Variants in CYB5R4 observed in about 807,000 individuals in gnomAD.
CYB5R4 encodes N-terminal cytochrome b5 and cytochrome b5 oxidoreductase domain-containing protein.
A neutral mutation model predicts 70.2 loss-of-function variants in CYB5R4; 55 were observed. The ratio of observed to expected loss-of-function variants is 0.78; its 90% CI spans 0.63 to 0.98. The LOEUF (loss-of-function observed/expected upper bound fraction) is 0.98. Ranked by LOEUF, CYB5R4 falls within the 50% of genes least tolerant of loss-of-function variation. CYB5R4 has a pLI of 0.00. For missense variants in CYB5R4, 562 were observed against 612.6 expected, an observed-to-expected ratio of 0.92 and a Z score of 0.87; for synonymous variants, 197 against 199.5, an observed-to-expected ratio of 0.99 and a Z score of 0.11.
At chr6:83,931,643 A>T (rs1289223094) in intron 10 of CYB5R4, among the ~76,000 whole-genome samples, 2 of 151,850 alleles carry the variant, frequency 1.3e-5, no homozygotes, top group Non-Finnish European at 2.9e-5. Flanking sequence ...TTTCTGTCTT[A>T]TGTTTTTGTT....
In CYB5R4 at chr6:83,868,547, G is replaced by A. The variant is rs1011275001; in HGVS notation, c.229+4219G>A. On this transcript the variant is annotated intron_variant, in intron 2 of 15. Coordinates refer to ENST00000369681, the MANE Select transcript of CYB5R4 (RefSeq NM_016230.4). ...TTTAATTTTCACCATTTTCTGTAAA[G>A]TATGTAATTATTGTAATGCAGTAGT... 2.0e-5 allele frequency among the ~76,000 whole-genome samples: 3 copies of A among 152,194 alleles called. No individual in the cohort carries two copies. In the East Asian group the frequency reaches 5.8e-4, roughly 29 times the overall value.
chr6:83,939,990 C>G (rs535975373), intron 12 of CYB5R4, 66 bp from the exon 13 acceptor site: 2 of 1,231,116 alleles, frequency 1.6e-6, no homozygotes, highest in African/African-American at 1.5e-5. Flanking sequence ...TTAGTTTCCC[C>G]GCTGGGTTTT....
intron 6 of CYB5R4, 38 bp from the exon 7 acceptor site, chr6:83,919,359 T>C: frequency 9.0e-7 from 1 of 1,108,724 alleles, no homozygotes; most frequent in Non-Finnish European, 1.3e-6. Flanking sequence ...CACATGATTG[T>C]CAATATAATT....
chr6:83,939,343 A>G (rs1164154021), intron 12 of CYB5R4, among the ~76,000 whole-genome samples: 2 of 152,156 alleles, frequency 1.3e-5, no homozygotes, highest in Non-Finnish European at 2.9e-5. Context: ...TGAATGGTAC[A>G]TGGTGATTAT....
At chr6:83,881,878 A>T (rs2099459493) in intron 2 of CYB5R4, among the ~76,000 whole-genome samples, 1 of 152,176 alleles carries the variant, frequency 6.6e-6, no homozygotes, top group Non-Finnish European at 1.5e-5. Context: ...ATATACCGAT[A>T]CCACATTTAC....
At chr6:83,874,703 C>T (rs2099458225) in intron 2 of CYB5R4, among the ~76,000 whole-genome samples, 1 of 152,142 alleles carries the variant, frequency 6.6e-6, no homozygotes, top group Non-Finnish European at 1.5e-5. Flanking sequence ...CTCTGACCCT[C>T]CCTGATCGCT....
intron 2 of CYB5R4, among the ~76,000 whole-genome samples, chr6:83,870,875 AAGGC>A (rs2099457484): frequency 6.6e-6 from 1 of 152,042 alleles, no homozygotes; most frequent in Admixed American, 6.6e-5. Flanking sequence ...GAGGTCAAAG[AAGGC>A]AGTGTTCTCC....
Position 83,869,425 on chromosome 6 carries a change from GACAC to G in CYB5R4, c.229+5103_229+5106del, listed in dbSNP as rs1299561443. On this transcript the variant is annotated intron_variant, in intron 2 of 15. Coordinates refer to ENST00000369681, the MANE Select transcript of CYB5R4 (RefSeq NM_016230.4). ...TCACAGTGTCTGTTATTCATTCAAA[GACAC>G]ACACAGAGCAGTGAAAAATATCTTT... Among the ~76,000 whole-genome samples, 4 of 152,164 alleles carry G rather than the reference GACAC, an allele frequency of 2.6e-5. No homozygotes were observed. The East Asian group carries it at 7.7e-4, about 29-fold the overall frequency.
intron 2 of CYB5R4, among the ~76,000 whole-genome samples, chr6:83,878,276 A>G (rs2099458886): frequency 6.6e-6 from 1 of 152,092 alleles, no homozygotes; most frequent in African/African-American, 2.4e-5. Flanking sequence ...TAATAGTTCC[A>G]ATACATTCTG....
chr6:83,937,936 A>G (rs2099469182), intron 12 of CYB5R4, among the ~76,000 whole-genome samples: 1 of 152,118 alleles, frequency 6.6e-6, no homozygotes, highest in South Asian at 2.1e-4. Flanking sequence ...TTTTCTTTTC[A>G]CTTTTTACCT....
chr6:83,876,521 C>G (rs2099458584), intron 2 of CYB5R4, among the ~76,000 whole-genome samples: 1 of 144,680 alleles, frequency 6.9e-6, no homozygotes, highest in Non-Finnish European at 1.5e-5. Flanking sequence ...AGCAGCTGCT[C>G]TAAGGGTTTA....
At chr6:83,917,002 A>C (rs2099465624) in intron 5 of CYB5R4, among the ~76,000 whole-genome samples, 1 of 152,128 alleles carries the variant, frequency 6.6e-6, no homozygotes, top group Non-Finnish European at 1.5e-5. Flanking sequence ...CTTTTTTCCA[A>C]ACTAAATCTT....
intron 6 of CYB5R4, among the ~76,000 whole-genome samples, chr6:83,918,845 A>T (rs2099465910): frequency 6.6e-6 from 1 of 152,104 alleles, no homozygotes; most frequent in Admixed American, 6.5e-5. Context: ...ATACAATTTT[A>T]AGTTAGGGAC....
intron 14 of CYB5R4, among the ~76,000 whole-genome samples, chr6:83,950,243 G>A (rs753551506): frequency 4.6e-5 from 7 of 152,110 alleles, no homozygotes; most frequent in Non-Finnish European, 8.8e-5. Flanking sequence ...AAACTTGACT[G>A]TTCTAGCAAT....
chr6:83,910,095 G>C (rs767963302), intron 4 of CYB5R4: 1 of 1,608,638 alleles, frequency 6.2e-7, no homozygotes, highest in Admixed American at 1.7e-5. Context: ...TAGAGCTGAG[G>C]ATGGAGATAG....
intron 1 of CYB5R4, among the ~76,000 whole-genome samples, chr6:83,861,715 A>G (rs2099455959): frequency 6.6e-6 from 1 of 152,234 alleles, no homozygotes; most frequent in African/African-American, 2.4e-5. Context: ...GCCCTGAGCT[A>G]CTGGGATAGG....
At position 83,940,557 on chromosome 6, in the gene CYB5R4, A is replaced by G; in HGVS notation, c.1302A>G (p.Ile434Met). The G allele has an allele frequency of 1.2e-6, 2 of 1,600,402 alleles. No individual in the cohort carries two copies. The highest frequency in any genetic ancestry group is 1.7e-6 in the Non-Finnish European group (2 of 1,176,178). Reference sequence around the variant, plus strand: ...TCTTCAATAAAACAGAAGATGATATAATTTGGAGAAGCCAATTGGAGAAAT... The same window carrying G: ...TCTTCAATAAAACAGAAGATGATATGATTTGGAGAAGCCAATTGGAGAAAT... ...LMFFNKTEDD[I>M]IWRSQLEKLA... Residue 434 changes from isoleucine (I) to methionine (M), a missense_variant, in exon 14 of 16, where the codon ATA becomes ATG. By Grantham distance (10) the Ile-to-Met change is conservative. Coordinates refer to ENST00000369681, the MANE Select transcript of CYB5R4 (RefSeq NM_016230.4).
At position 83,893,509 on chromosome 6, in the gene CYB5R4, T is replaced by C; in HGVS notation, c.230-13T>C. The C allele has an allele frequency of 6.6e-7, 1 of 1,506,814 alleles. No individual in the cohort carries two copies. The allele number at this position is 1,506,814 out of a possible 1,614,324, so 93.3% of individuals were successfully genotyped here. On this transcript the variant is annotated splice_polypyrimidine_tract_variant and intron_variant, in intron 2 of 15. Coordinates refer to ENST00000369681, the MANE Select transcript of CYB5R4 (RefSeq NM_016230.4). ...GTTCATTTAGGATATTATTTCTGTT[T>C]GCTTTGGTACAGGTTTCGTTTATAA...
At chr6:83,862,284 A>T (rs2099456079) in intron 1 of CYB5R4, among the ~76,000 whole-genome samples, 1 of 152,226 alleles carries the variant, frequency 6.6e-6, no homozygotes, top group South Asian at 2.1e-4. Flanking sequence ...TATTTCTATT[A>T]ATACTGGTAA....
Sources: gnomAD v4.1 joint callset for allele counts (sites outside exome capture counted in the v4.1 genomes callset) on GRCh38, gnomAD v4.1.1 for gene constraint, MANE v1.5 for transcripts, NCBI Gene and HGNC (gene_info 2026-07-23, HGNC 2026-07-21) for gene names.